Variants in COG5 observed in about 807,000 individuals in gnomAD.
The protein encoded by COG5 is component of oligomeric golgi complex 5.
COG5 carries 86 observed loss-of-function variants against 110.4 expected under a neutral mutation model. The ratio of observed to expected loss-of-function variants is 0.78; its 90% CI spans 0.65 to 0.93. COG5 has a LOEUF of 0.93. Ranked by LOEUF, COG5 falls within the 40% of genes least tolerant of loss-of-function variation. COG5 has a pLI of 0.00. For synonymous variants in COG5, 360 were observed against 334.6 expected (o/e 1.08, Z -0.83); for missense variants, 1,077 against 987.0 (o/e 1.09, Z -1.22).
At chr7:107,265,252 C>T (rs1416826892) in intron 14 of COG5, among the ~76,000 whole-genome samples, 3 of 152,016 alleles carry the variant, frequency 2.0e-5, no homozygotes, top group African/African-American at 4.8e-5. Flanking sequence ...TTTAATCTAC[C>T]GATCTGTGAC....
intron 10 of COG5, among the ~76,000 whole-genome samples, chr7:107,357,670 C>A (rs1196422547): frequency 6.6e-6 from 1 of 151,602 alleles, no homozygotes; most frequent in Admixed American, 6.6e-5. Context: ...TCTTTCTCTC[C>A]TTCTCTCTCT....
At chr7:107,340,363 G>C (rs1044717471) in intron 10 of COG5, among the ~76,000 whole-genome samples, 1 of 152,056 alleles carries the variant, frequency 6.6e-6, no homozygotes, top group Non-Finnish European at 1.5e-5. Context: ...ATCAAGTTTT[G>C]TAACTGAATC....
intron 12 of COG5, among the ~76,000 whole-genome samples, chr7:107,288,327 A>C (rs540223567): frequency 3.3e-5 from 5 of 152,172 alleles, no homozygotes; most frequent in Non-Finnish European, 7.3e-5. Flanking sequence ...GCACCACTGC[A>C]CTCTAGCCTG....
In COG5 at chr7:107,295,646, T is replaced by C. The variant is rs1230792058; in HGVS notation, c.1313+2496A>G. Among the ~76,000 whole-genome samples, 8 of 152,314 alleles carry C rather than the reference T, an allele frequency of 5.3e-5. No homozygotes were observed. The East Asian group carries it at 1.2e-3, about 22-fold the overall frequency. ...CTTGAACCCTCAAGATTTTTTGACA[T>C]CTTCGAATATGGCCTCCTATATCTC... is the stretch of plus-strand genomic sequence containing the variant. On this transcript the variant is annotated intron_variant, in intron 12 of 21. Transcript: ENST00000297135.
rs556792921 is a variant in COG5, at chr7:107,557,800, C to T, written c.234+176G>A. On this transcript the variant is annotated intron_variant, in intron 2 of 21. Transcript: ENST00000297135. The stretch of plus-strand genomic sequence containing the variant: ...TTGGTGAGGTGGTATATTAGTTTTT[C>T]CACAAACAAAAAGTGGTTTACAGAA... Among the ~76,000 whole-genome samples, 582 of 152,150 alleles carry T rather than the reference C, an allele frequency of 3.8e-3. 2 individuals are homozygous for T. Among genetic ancestry groups the T allele is most frequent in the Middle Eastern group, 0.02 (6 of 294 alleles).
rs1289998120 is a variant in COG5, at chr7:107,201,505, A to C, written c.*2011T>G. On this transcript the variant is annotated 3_prime_UTR_variant, in exon 22 of 22. Transcript: ENST00000297135. ...TTGATGGAAAGACTTAAGAAGATCA[A>C]GGTCTCACCATTTGTCCTCAATTCG... The C allele has an allele frequency of 3.3e-6, 3 of 897,786 alleles. No individual in the cohort carries two copies. Among genetic ancestry groups the C allele is most frequent in the Non-Finnish European group, 5.4e-6 (3 of 551,140 alleles). 55.6% of individuals were successfully genotyped at this position (897,786 alleles called of 1,614,324 possible). A position where few individuals can be genotyped will look rare whatever the true frequency, so the allele number is the denominator to read the frequency against.
intron 11 of COG5, among the ~76,000 whole-genome samples, chr7:107,313,993 C>A (rs1808504796): frequency 6.6e-6 from 1 of 152,038 alleles, no homozygotes; most frequent in Non-Finnish European, 1.5e-5. Context: ...TGGGAAATCA[C>A]CCAAATGCTC....
At chr7:107,338,590 T>C (rs1472241165) in intron 10 of COG5, among the ~76,000 whole-genome samples, 1 of 152,102 alleles carries the variant, frequency 6.6e-6, no homozygotes, top group Non-Finnish European at 1.5e-5. Context: ...TGGCAATTAC[T>C]TATATATGAT....
At chr7:107,533,693 C>G (rs1801373234) in intron 5 of COG5, among the ~76,000 whole-genome samples, 3 of 151,544 alleles carry the variant, frequency 2.0e-5, no homozygotes, top group Non-Finnish European at 2.9e-5. Context: ...CATTTGATTG[C>G]TGTACCCGAA....
intron 14 of COG5, among the ~76,000 whole-genome samples, chr7:107,262,335 C>G (rs1001021774): frequency 1.3e-5 from 2 of 152,136 alleles, no homozygotes; most frequent in Non-Finnish European, 2.9e-5. Flanking sequence ...TCATTAAAAT[C>G]AATTTCAGCA....
intron 6 of COG5, among the ~76,000 whole-genome samples, chr7:107,508,755 G>A (rs182202571): frequency 1.3e-5 from 2 of 152,272 alleles, no homozygotes; most frequent in Admixed American, 6.5e-5. Flanking sequence ...CCGCTGTTCT[G>A]CAGCCACCGC....
intron 6 of COG5, among the ~76,000 whole-genome samples, chr7:107,520,059 A>G (rs1196325194): frequency 6.6e-6 from 1 of 152,208 alleles, no homozygotes; most frequent in African/African-American, 2.4e-5. Flanking sequence ...AGATTACCTC[A>G]ACAGACACAG....
intron 6 of COG5, among the ~76,000 whole-genome samples, chr7:107,446,609 C>A (rs1301386535): frequency 2.0e-5 from 3 of 152,164 alleles, no homozygotes; most frequent in African/African-American, 7.2e-5. Flanking sequence ...ATACTGTGTA[C>A]CCACATGCTC....
chr7:107,560,257 A>G (rs1350514828), intron 1 of COG5, among the ~76,000 whole-genome samples: 1 of 152,206 alleles, frequency 6.6e-6, no homozygotes, highest in African/African-American at 2.4e-5. Flanking sequence ...CACAAAGCCA[A>G]TTAACCAATA....
At chr7:107,540,148 A>G (rs1801870433) in intron 5 of COG5, among the ~76,000 whole-genome samples, 1 of 152,190 alleles carries the variant, frequency 6.6e-6, no homozygotes, top group African/African-American at 2.4e-5. Flanking sequence ...CTGAGTACCA[A>G]TCTGTGCATG....
intron 6 of COG5, chr7:107,475,571 T>C (rs1016490963): frequency 2.3e-6 from 1 of 430,176 alleles, no homozygotes; most frequent in East Asian, 3.6e-5. Context: ...TAAAGTACTA[T>C]CATGTGTATA....
At chr7:107,321,665 T>C (rs562216040) in intron 11 of COG5, among the ~76,000 whole-genome samples, 3 of 152,242 alleles carry the variant, frequency 2.0e-5, no homozygotes, top group South Asian at 2.1e-4. Context: ...AAGAAGTCAA[T>C]AGGCAGAGAA....
intron 6 of COG5, among the ~76,000 whole-genome samples, chr7:107,414,876 C>T (rs934802449): frequency 1.3e-5 from 2 of 151,390 alleles, no homozygotes; most frequent in South Asian, 2.1e-4. Context: ...TACAAGTGCA[C>T]GTCACGACGC....
intron 6 of COG5, chr7:107,450,423 C>T (rs1453333740): frequency 6.6e-6 from 1 of 151,980 alleles, no homozygotes; most frequent in African/African-American, 2.4e-5. Flanking sequence ...GTAACAAGAA[C>T]AAAAAAATCA....
Sources: allele counts gnomAD v4.1 joint callset (sites outside exome capture counted in the v4.1 genomes callset), GRCh38; gene constraint gnomAD v4.1.1; transcripts MANE v1.5; gene names NCBI Gene and HGNC (gene_info 2026-07-23, HGNC 2026-07-21).